MIPOL1: variants seen among roughly 807,000 people sequenced by gnomAD.
The protein encoded by MIPOL1 is mirror-image polydactyly 1.
Under a neutral mutation model 60.9 loss-of-function variants are expected in MIPOL1, and 57 were observed. The ratio of observed to expected loss-of-function variants is 0.94; its 90% confidence interval spans 0.76 to 1.17. MIPOL1 has a LOEUF of 1.17. Among genes scored for constraint, MIPOL1 ranks in the 50% most tolerant of loss-of-function variants. The probability of loss-of-function intolerance (pLI) is 0.00; values close to 1 mark genes in which losing one functional copy is unlikely to be tolerated. For missense variants in MIPOL1, 551 were observed against 511.6 expected (o/e 1.08, Z -0.74); for synonymous variants, 179 against 168.8 (o/e 1.06, Z -0.47).
At chr14:37,515,987 G>A (rs959285103) in intron 12 of MIPOL1, among the ~76,000 whole-genome samples, 8 of 152,144 alleles carry the variant, frequency 5.3e-5, no homozygotes, top group East Asian at 1.9e-4. Flanking sequence ...AAGAGAGTCC[G>A]GCTTCATTGA....
At chr14:37,430,196 A>G (rs2094035840) in intron 11 of MIPOL1, among the ~76,000 whole-genome samples, 1 of 152,176 alleles carries the variant, frequency 6.6e-6, no homozygotes, top group Admixed American at 6.5e-5. Flanking sequence ...CATCTTTGGC[A>G]TTAATCAGAT....
intron 10 of MIPOL1, among the ~76,000 whole-genome samples, chr14:37,398,810 A>G (rs1198214244): frequency 6.6e-6 from 1 of 152,210 alleles, no homozygotes; most frequent in Admixed American, 6.5e-5. Flanking sequence ...GGAAACTCCC[A>G]AAATTTACTT....
chr14:37,430,145 C>T (rs367906577), intron 11 of MIPOL1, among the ~76,000 whole-genome samples: 3 of 152,110 alleles, frequency 2.0e-5, no homozygotes, highest in South Asian at 4.1e-4. Context: ...ACTGCAACAG[C>T]TGTGATTAAA....
chr14:37,489,620 G>A (rs1014350695), intron 11 of MIPOL1, among the ~76,000 whole-genome samples: 9 of 152,158 alleles, frequency 5.9e-5, no homozygotes, highest in Admixed American at 6.5e-5. Context: ...GGTGACCTTC[G>A]GATTGGGTCT....
At chr14:37,467,030 C>A (rs547868144) in intron 11 of MIPOL1, among the ~76,000 whole-genome samples, 4 of 152,292 alleles carry the variant, frequency 2.6e-5, no homozygotes, top group African/African-American at 4.8e-5. Context: ...TCATCCTTAT[C>A]ATTAGCTACA....
In MIPOL1 at chr14:37,369,525, G is replaced by T; in HGVS notation, c.837G>T (p.Arg279=). ...TTCTTCCCCTGTGGCAGTGCAAACG[G>T]TTAGAGCAGGAGCTTCATCATGTGA... is the stretch of plus-strand genomic sequence containing the variant. ...ERDAALSKCK[R]LEQELHHVKE... The change falls in exon 10 of 13, where the codon CGG becomes CGT. Residue 279 remains arginine, a synonymous_variant. Transcript: ENST00000684589. The T allele has an allele frequency of 1.2e-6, 2 of 1,611,584 alleles. No homozygotes were observed. The highest frequency in any genetic ancestry group is 1.1e-5 in the South Asian group (1 of 90,892).
chr14:37,541,934 A>G (rs2095531340), intron 12 of MIPOL1, among the ~76,000 whole-genome samples: 1 of 152,156 alleles, frequency 6.6e-6, no homozygotes, highest in African/African-American at 2.4e-5. Context: ...TAGTCTATCA[A>G]CACATTCACA....
At chr14:37,469,816 C>G (rs955793418) in intron 11 of MIPOL1, among the ~76,000 whole-genome samples, 2 of 152,146 alleles carry the variant, frequency 1.3e-5, no homozygotes, top group South Asian at 4.1e-4. Context: ...TGTGTGTCCA[C>G]CTTCCACCAT....
At chr14:37,251,847 T>C (rs141904153) in intron 3 of MIPOL1, among the ~76,000 whole-genome samples, 3 of 152,040 alleles carry the variant, frequency 2.0e-5, no homozygotes, top group African/African-American at 7.2e-5. Context: ...TACAGGTAAA[T>C]ATGTCTGCCC....
chr14:37,298,430 C>G (rs1362533626), intron 7 of MIPOL1, among the ~76,000 whole-genome samples: 2 of 152,156 alleles, frequency 1.3e-5, no homozygotes, highest in Non-Finnish European at 2.9e-5. Context: ...GCAATGGCAA[C>G]AAAAGCCAAA....
chr14:37,432,572 T>C (rs1328883141), intron 11 of MIPOL1, among the ~76,000 whole-genome samples: 1 of 152,148 alleles, frequency 6.6e-6, no homozygotes, highest in Admixed American at 6.6e-5. Context: ...GGTGTCTCCA[T>C]ATAATAAAGC....
intron 9 of MIPOL1, among the ~76,000 whole-genome samples, chr14:37,330,002 C>CATCCTAGTAGTTGT: frequency 7.2e-6 from 1 of 138,658 alleles, no homozygotes; most frequent in East Asian, 2.2e-4. Context: ...CAAAACACCA[C>CATCCTAGTAGTTGT]ATCCTAGTAG....
chr14:37,454,124 A>G (rs1006207719), intron 11 of MIPOL1, among the ~76,000 whole-genome samples: 2 of 152,212 alleles, frequency 1.3e-5, no homozygotes, highest in African/African-American at 4.8e-5. Context: ...ACTATGTCAT[A>G]CATTTGCCCC....
intron 7 of MIPOL1, among the ~76,000 whole-genome samples, chr14:37,305,615 G>A (rs1240215304): frequency 6.6e-6 from 1 of 151,550 alleles, no homozygotes; most frequent in Non-Finnish European, 1.5e-5. Context: ...TTTAATATCT[G>A]TGATATCCGT....
rs1555367651 is a variant in MIPOL1, at chr14:37,521,920, T to TC, written c.1262+21783dup. Among the ~76,000 whole-genome samples, 291 of 142,522 alleles carry TC rather than the reference T, an allele frequency of 2.0e-3. No homozygotes were observed. The Middle Eastern group carries it at 0.036, about 18-fold the overall frequency. The allele number at this position is 142,522 out of a possible 152,430, so 93.5% of individuals were successfully genotyped here. A position where few individuals can be genotyped will look rare whatever the true frequency, so the allele number is the denominator to read the frequency against. On this transcript the variant is annotated intron_variant, in intron 12 of 12. Transcript: ENST00000684589. ...TATATATATATATATATTTTTTTTT[T>TC]CTTTGGCTTCAAAAATAAAACAGAG...
At chr14:37,418,331 A>G (rs2093808386) in intron 10 of MIPOL1, among the ~76,000 whole-genome samples, 1 of 152,288 alleles carries the variant, frequency 6.6e-6, no homozygotes, top group African/African-American at 2.4e-5. Context: ...CAGTGAAACA[A>G]TGTAGTTCAT....
intron 11 of MIPOL1, among the ~76,000 whole-genome samples, chr14:37,481,879 T>G (rs1348601530): frequency 1.3e-5 from 2 of 152,092 alleles, no homozygotes; most frequent in African/African-American, 4.8e-5. Flanking sequence ...AAACTTGATA[T>G]TTACATGCAG....
intron 10 of MIPOL1, among the ~76,000 whole-genome samples, chr14:37,388,348 T>C (rs1021105188): frequency 1.1e-4 from 17 of 152,120 alleles, no homozygotes; most frequent in African/African-American, 3.6e-4. Context: ...GTATTTGTAT[T>C]GGATAGTATT....
chr14:37,381,278 TTGTAAA>T (rs1271083319), intron 10 of MIPOL1, among the ~76,000 whole-genome samples: 3 of 152,108 alleles, frequency 2.0e-5, no homozygotes, highest in Non-Finnish European at 4.4e-5. Flanking sequence ...GCCTTGACTC[TTGTAAA>T]TGTAAAGTTT....
Sources: allele counts gnomAD v4.1 joint callset (sites outside exome capture counted in the v4.1 genomes callset), GRCh38; gene constraint gnomAD v4.1.1; transcripts MANE v1.5; gene names NCBI Gene and HGNC (gene_info 2026-07-23, HGNC 2026-07-21).